Variants in SDK1 observed in about 807,000 individuals in gnomAD.
The protein encoded by SDK1 is sidekick cell adhesion molecule 1.
In SDK1, 157 loss-of-function variants were observed where a neutral mutation model predicts 245.5. The ratio of observed to expected loss-of-function variants is 0.64; its 90% CI spans 0.56 to 0.73. The LOEUF is 0.73. Ranked by LOEUF, SDK1 falls within the 30% of genes least tolerant of loss-of-function variation. SDK1 has a pLI of 0.00. For missense variants in SDK1, 3,583 were observed against 3,002.3 expected, an observed-to-expected ratio of 1.19 and a Z score of -4.52; for synonymous variants, 1,647 against 1,278.5, an observed-to-expected ratio of 1.29 and a Z score of -6.15.
chr7:3,585,067 C>T (rs1489605945), intron 1 of SDK1, among the ~76,000 whole-genome samples: 1 of 152,102 alleles, frequency 6.6e-6, no homozygotes, highest in African/African-American at 2.4e-5. Flanking sequence ...TTTTTCCTTG[C>T]TTCCTGTGCC....
intron 5 of SDK1, among the ~76,000 whole-genome samples, chr7:3,823,078 GA>G (rs1259210700): frequency 1.1e-4 from 17 of 152,150 alleles, no homozygotes; most frequent in Admixed American, 1.1e-3. Flanking sequence ...TGATGCCATG[GA>G]GAATGATGCA....
intron 4 of SDK1, among the ~76,000 whole-genome samples, chr7:3,739,428 G>A (rs965371460): frequency 1.6e-4 from 25 of 151,828 alleles, no homozygotes; most frequent in African/African-American, 5.8e-4. Context: ...TATTAGTTGT[G>A]TGTTGGCACA....
chr7:3,789,323 T>G (rs576049916), intron 4 of SDK1, among the ~76,000 whole-genome samples: 2 of 152,258 alleles, frequency 1.3e-5, no homozygotes, highest in African/African-American at 2.4e-5. Flanking sequence ...AATTTTTGTG[T>G]TTTTAGTAGA....
chr7:3,765,031 A>T (rs1270829867), intron 4 of SDK1, among the ~76,000 whole-genome samples: 1 of 152,188 alleles, frequency 6.6e-6, no homozygotes, highest in African/African-American at 2.4e-5. Context: ...TGGTAAGTGT[A>T]CATATATAAC....
chr7:4,050,650 A>T, intron 18 of SDK1, among the ~76,000 whole-genome samples: 1 of 152,160 alleles, frequency 6.6e-6, no homozygotes, highest in East Asian at 1.9e-4. Flanking sequence ...TTTCTTTAAA[A>T]TTGTAAGCAG....
Position 3,323,490 on chromosome 7 carries a change from A to G in SDK1, c.298+21606A>G, listed in dbSNP as rs147689742. Among the ~76,000 whole-genome samples, 1,202 of 152,280 alleles carry G rather than the reference A, an allele frequency of 7.9e-3. 15 individuals are homozygous for G. Among genetic ancestry groups the G allele is most frequent in the African/African-American group, 0.028 (1,169 of 41,556 alleles). ...AAAATACACTTCCAAACTCATTCAC[A>G]TTGCTGGTCATGTTCAGTTCCTGTG... On this transcript the variant is annotated intron_variant, in intron 1 of 44. Transcript: ENST00000404826.
chr7:3,533,984 A>G (rs973409885), intron 1 of SDK1, among the ~76,000 whole-genome samples: 1 of 152,210 alleles, frequency 6.6e-6, no homozygotes, highest in African/African-American at 2.4e-5. Context: ...ATATAGGCAC[A>G]ATGCTGTATA....
intron 1 of SDK1, among the ~76,000 whole-genome samples, 167 bp downstream of exon 1, chr7:3,302,051 G>A (rs1457433013): frequency 2.0e-5 from 3 of 152,036 alleles, no homozygotes; most frequent in African/African-American, 7.2e-5. Context: ...CAGACTCGGA[G>A]GAGAGGGAAA....
intron 5 of SDK1, among the ~76,000 whole-genome samples, chr7:3,846,882 T>G (rs1780292524): frequency 6.6e-6 from 1 of 151,988 alleles, no homozygotes; most frequent in Non-Finnish European, 1.5e-5. Flanking sequence ...GCTTGTCAGG[T>G]CCGCACTGGA....
At chr7:3,306,626 A>C (rs1779423222) in intron 1 of SDK1, among the ~76,000 whole-genome samples, 1 of 152,204 alleles carries the variant, frequency 6.6e-6, no homozygotes, top group South Asian at 2.1e-4. Context: ...AAATACTGAG[A>C]TAAAACAACG....
intron 1 of SDK1, among the ~76,000 whole-genome samples, chr7:3,349,930 C>T (rs1227780241): frequency 6.6e-6 from 1 of 152,192 alleles, no homozygotes; most frequent in African/African-American, 2.4e-5. Context: ...AAGACCACAT[C>T]CTGGATTGGT....
intron 22 of SDK1, among the ~76,000 whole-genome samples, chr7:4,105,026 T>A (rs56054149): frequency 0.46 from 70,294 of 151,996 alleles, 18,128 homozygotes; most frequent in African/African-American, 0.69. Flanking sequence ...TCTGTCACCC[T>A]GGCTGGTGTG....
chr7:4,111,968 G>C (rs1327647848), intron 23 of SDK1, among the ~76,000 whole-genome samples: 2 of 152,200 alleles, frequency 1.3e-5, no homozygotes, highest in African/African-American at 4.8e-5. Context: ...AAGTCTCACA[G>C]TTACTCACTG....
chr7:4,111,276 C>G (rs187825399), intron 23 of SDK1, among the ~76,000 whole-genome samples: 2 of 152,174 alleles, frequency 1.3e-5, no homozygotes, highest in East Asian at 1.9e-4. Context: ...GCAGTAAATC[C>G]TTGGCTTTAA....
rs191556125 is a variant in SDK1, at chr7:3,313,364, G to A, written c.298+11480G>A. ...GGAGATTGGAGTGAGCTGAGGTTGC[G>A]CCATTGTATTCCAGCCTGGCGACGG... On this transcript the variant is annotated intron_variant, in intron 1 of 44. Coordinates refer to ENST00000404826, the MANE Select transcript of SDK1 (RefSeq NM_152744.4). Among the ~76,000 whole-genome samples, 144 of 152,260 alleles carry A rather than the reference G, an allele frequency of 9.5e-4. 1 individual carries two copies. The highest frequency in any genetic ancestry group is 1.1e-3 in the Admixed American group (17 of 15,292).
At chr7:3,504,007 G>A (rs960066237) in intron 1 of SDK1, among the ~76,000 whole-genome samples, 7 of 151,704 alleles carry the variant, frequency 4.6e-5, no homozygotes, top group African/African-American at 7.3e-5. Context: ...AAAATTAGCC[G>A]GGCATGGTGG....
rs1190699441 is a variant in SDK1, at chr7:3,619,077, C to G, written c.299-3C>G. The G allele has an allele frequency of 6.4e-7, 1 of 1,567,816 alleles. No homozygotes were observed. The highest frequency in any genetic ancestry group is 8.7e-7 in the Non-Finnish European group (1 of 1,149,666). ...TGTTTTGTTTTGTTTTTTAATATTT[C>G]AGATGATGTTGCTCCATATTTTAAA... On this transcript the variant is annotated splice_polypyrimidine_tract_variant and splice_region_variant and intron_variant, in intron 1 of 44. Transcript: ENST00000404826.
chr7:4,028,584 G>T (rs901895240), intron 17 of SDK1, among the ~76,000 whole-genome samples: 4 of 152,214 alleles, frequency 2.6e-5, no homozygotes, highest in Non-Finnish European at 5.9e-5. Flanking sequence ...GAGCTGTTGG[G>T]ACCAAGGTGA....
chr7:3,818,933 G>A (rs1318653086), intron 4 of SDK1, among the ~76,000 whole-genome samples: 1 of 152,198 alleles, frequency 6.6e-6, no homozygotes, highest in Non-Finnish European at 1.5e-5. Context: ...ATTGCAGGGG[G>A]AAGGCATGGT....
Sources: gnomAD v4.1 joint callset for allele counts (sites outside exome capture counted in the v4.1 genomes callset) on GRCh38, gnomAD v4.1.1 for gene constraint, MANE v1.5 for transcripts, NCBI Gene and HGNC (gene_info 2026-07-23, HGNC 2026-07-21) for gene names.